YWHAB: variants seen among roughly 807,000 people sequenced by gnomAD.
YWHAB encodes 14-3-3 protein beta/alpha.
A neutral mutation model predicts 28.5 loss-of-function variants in YWHAB; 2 were observed. The ratio of observed to expected loss-of-function variants is 0.07; its 90% confidence interval spans 0.03 to 0.22. The LOEUF is 0.22. Ranked by LOEUF, YWHAB falls within the 10% of genes least tolerant of loss-of-function variation. The probability of loss-of-function intolerance (pLI) is 1.00; values close to 1 mark genes in which losing one functional copy is unlikely to be tolerated. For synonymous variants in YWHAB, 103 were observed against 104.7 expected (o/e 0.98, Z 0.10); for missense variants, 148 against 297.1 (o/e 0.50, Z 3.69).
At chr20:44,890,667 C>T (rs539151193) in intron 1 of YWHAB, among the ~76,000 whole-genome samples, 52 of 151,922 alleles carry the variant, frequency 3.4e-4, no homozygotes, top group African/African-American at 1.1e-3. Context: ...CCTGCCACTG[C>T]GCCCAGCTAA....
intron 1 of YWHAB, among the ~76,000 whole-genome samples, chr20:44,893,694 CTTTT>C (rs3091859): frequency 2.9e-5 from 3 of 103,778 alleles, no homozygotes; most frequent in Admixed American, 1.2e-4. Flanking sequence ...CCTCCCCTGC[CTTTT>C]TTTTTTTTTT....
chr20:44,898,325 ATTATAG>A (rs1225469957), intron 1 of YWHAB, among the ~76,000 whole-genome samples: 1 of 152,154 alleles, frequency 6.6e-6, no homozygotes, highest in African/African-American at 2.4e-5. Flanking sequence ...AGGAAGAAAA[ATTATAG>A]TTATGAACTG....
At chr20:44,901,280 G>A (rs1224141139) in intron 1 of YWHAB, among the ~76,000 whole-genome samples, 2 of 152,162 alleles carry the variant, frequency 1.3e-5, no homozygotes, top group Admixed American at 1.3e-4. Flanking sequence ...GAAGGGGAAA[G>A]TTGTTGTTAT....
At chr20:44,891,429 G>T (rs2066561347) in intron 1 of YWHAB, among the ~76,000 whole-genome samples, 1 of 152,298 alleles carries the variant, frequency 6.6e-6, no homozygotes, top group South Asian at 2.1e-4. Flanking sequence ...TTATGGATGA[G>T]AAAACAAATT....
chr20:44,901,433 A>G (rs2066625730), intron 1 of YWHAB, 98 bp from the exon 2 acceptor site: 2 of 1,238,746 alleles, frequency 1.6e-6, no homozygotes, highest in Non-Finnish European at 2.3e-6. Context: ...CACATTTAGT[A>G]TGCTGCTTTC....
chr20:44,895,685 C>G (rs778168186), intron 1 of YWHAB, among the ~76,000 whole-genome samples: 14 of 152,162 alleles, frequency 9.2e-5, no homozygotes, highest in Admixed American at 3.3e-4. Context: ...CCAGGCTGGT[C>G]TTGAACTCCT....
rs539611333 is a variant in YWHAB at position 44,898,786 on chromosome 20, A to G, written c.-3-2745A>G. Among the ~76,000 whole-genome samples the G allele has an allele frequency of 4.3e-4, 64 of 148,368 alleles. No individual in the cohort carries two copies. In the East Asian group the frequency reaches 0.013, roughly 31 times the overall value. On this transcript the variant is annotated intron_variant, in intron 1 of 5. Transcript: ENST00000353703. Reference sequence around the variant, plus strand: ...CTCCCAAAGTGCTGGGATTACAGGCATGAGCCACTGCGCCCAGCAGAAAAT... The same window carrying G: ...CTCCCAAAGTGCTGGGATTACAGGCGTGAGCCACTGCGCCCAGCAGAAAAT...
At chr20:44,892,308 T>C (rs1438160169) in intron 1 of YWHAB, among the ~76,000 whole-genome samples, 2 of 152,218 alleles carry the variant, frequency 1.3e-5, no homozygotes, top group African/African-American at 4.8e-5. Context: ...ACATGCACTT[T>C]ATTAATAACA....
chr20:44,906,502 GATA>G lies in YWHAB; in HGVS notation c.*66_*68del. ...TACCCTCAACATATATCCCTTGTGC[GATA>G]AAAAAAAAAAAAAAAAAAAAAAGAG... On this transcript the variant is annotated 3_prime_UTR_variant, in exon 6 of 6. Coordinates refer to ENST00000353703, the MANE Select transcript of YWHAB (RefSeq NM_139323.4). The G allele has an allele frequency of 1.7e-6, 1 of 583,234 alleles. No homozygotes were observed. Among genetic ancestry groups the G allele is most frequent in the South Asian group, 6.2e-5 (1 of 16,076 alleles). The allele number at this position is 583,234 out of a possible 1,614,324, so 36.1% of individuals were successfully genotyped here. A position where few individuals can be genotyped will look rare whatever the true frequency, so the allele number is the denominator to read the frequency against.
At chr20:44,905,169 AC>A in intron 4 of YWHAB, 38 bp downstream of exon 4, 3 of 1,564,520 alleles carry the variant, frequency 1.9e-6, no homozygotes, top group Non-Finnish European at 2.6e-6. Context: ...CCATAGCAAA[AC>A]AGTGCTTGTG....
intron 1 of YWHAB, among the ~76,000 whole-genome samples, chr20:44,894,036 A>G (rs1431234693): frequency 1.3e-5 from 2 of 152,134 alleles, no homozygotes; most frequent in African/African-American, 4.8e-5. Flanking sequence ...ATTGTTGGAT[A>G]TTTAGATTTG....
intron 1 of YWHAB, among the ~76,000 whole-genome samples, chr20:44,888,756 T>A (rs1420534018): frequency 6.6e-6 from 1 of 152,132 alleles, no homozygotes; most frequent in Non-Finnish European, 1.5e-5. Flanking sequence ...AACAATCCAG[T>A]TTTTCTAGTA....
intron 1 of YWHAB, among the ~76,000 whole-genome samples, chr20:44,892,019 A>G (rs1188568552): frequency 6.6e-6 from 1 of 152,160 alleles, no homozygotes; most frequent in Admixed American, 6.5e-5. Flanking sequence ...CCCACTAACC[A>G]CCTGGTCCCA....
intron 1 of YWHAB, among the ~76,000 whole-genome samples, chr20:44,890,959 G>T (rs2066557968): frequency 6.6e-6 from 1 of 152,178 alleles, no homozygotes; most frequent in African/African-American, 2.4e-5. Context: ...CAGAGTACGT[G>T]TAAAATAAAT....
intron 1 of YWHAB, among the ~76,000 whole-genome samples, chr20:44,889,632 C>CT (rs1425334213): frequency 6.6e-6 from 1 of 152,064 alleles, no homozygotes; most frequent in Non-Finnish European, 1.5e-5. Flanking sequence ...TGAGTCCTGT[C>CT]TATTATTATT....
chr20:44,894,508 A>G (rs908333608), intron 1 of YWHAB, among the ~76,000 whole-genome samples: 1 of 152,326 alleles, frequency 6.6e-6, no homozygotes, highest in South Asian at 2.1e-4. Context: ...TTTAACATAT[A>G]TGTCCATTTT....
rs973662862 is a variant in YWHAB, at chr20:44,893,767, C to T, written c.-3-7764C>T. On this transcript the variant is annotated intron_variant, in intron 1 of 5. Transcript: ENST00000353703. ...AGGCTGGAGTGTAGTGGCGCAGTTT[C>T]GGCTCACTGCAACCTCCACCTCCTG... Among the ~76,000 whole-genome samples the T allele has an allele frequency of 1.1e-3, 144 of 127,640 alleles. 4 individuals are homozygous for T. The highest frequency in any genetic ancestry group is 3.1e-4 in the Non-Finnish European group (20 of 64,778). 83.7% of individuals were successfully genotyped at this position (127,640 alleles called of 152,430 possible). A position where few individuals can be genotyped will look rare whatever the true frequency, so the allele number is the denominator to read the frequency against.
chr20:44,905,643 T>C (rs958343851), intron 4 of YWHAB: 2 of 171,342 alleles, frequency 1.2e-5, no homozygotes, highest in African/African-American at 4.7e-5. Flanking sequence ...TCCAGACATT[T>C]TGAGTTTTAG....
chr20:44,891,722 T>G (rs1424903473), intron 1 of YWHAB, among the ~76,000 whole-genome samples: 1 of 152,212 alleles, frequency 6.6e-6, no homozygotes, highest in Non-Finnish European at 1.5e-5. Context: ...TAATTAGCAA[T>G]GATATGCAAC....
Sources: allele counts gnomAD v4.1 joint callset (sites outside exome capture counted in the v4.1 genomes callset), GRCh38; gene constraint gnomAD v4.1.1; transcripts MANE v1.5; gene names NCBI Gene and HGNC (gene_info 2026-07-23, HGNC 2026-07-21).